The following MED13 variants were observed in gnomAD, a reference collection of about 807,000 sequenced individuals.
MED13 encodes the protein mediator complex subunit 13.
In MED13, 23 loss-of-function variants were observed where a neutral mutation model predicts 225.2. The ratio of observed to expected loss-of-function variants is 0.10; its 90% confidence interval spans 0.07 to 0.14. The LOEUF (loss-of-function observed/expected upper bound fraction) is 0.14, where lower values mean the gene tolerates loss of function less well. Among genes scored for constraint, MED13 ranks in the 10% least tolerant of loss-of-function variants. The pLI, the probability that MED13 is intolerant of heterozygous loss-of-function variation, is 1.00. For missense variants in MED13, 2,197 were observed against 2,594.5 expected (o/e 0.85, Z 3.33); for synonymous variants, 942 against 889.2 (o/e 1.06, Z -1.06).
At chr17:62,045,382 C>A (rs1359264765) in intron 3 of MED13, among the ~76,000 whole-genome samples, 1 of 152,030 alleles carries the variant, frequency 6.6e-6, no homozygotes, top group Admixed American at 6.6e-5. Context: ...CTTGGCCAGG[C>A]GTGGTTGGTG....
chr17:61,973,025 G>T (rs905181682), intron 16 of MED13, 137 bp from the exon 17 acceptor site: 5 of 574,908 alleles, frequency 8.7e-6, no homozygotes, highest in African/African-American at 5.7e-5. Context: ...CTTGTGCAGA[G>T]AATTGCATTA....
chr17:62,058,109 CCA>C (rs913679538), intron 2 of MED13, among the ~76,000 whole-genome samples: 3 of 152,174 alleles, frequency 2.0e-5, no homozygotes, highest in African/African-American at 4.8e-5. Context: ...GTCCTACCCA[CCA>C]CAGAGATTCT....
intron 16 of MED13, among the ~76,000 whole-genome samples, chr17:61,980,180 T>A (rs1354541101): frequency 6.6e-6 from 1 of 152,002 alleles, no homozygotes; most frequent in African/African-American, 2.4e-5. Context: ...AGAGCGAGAC[T>A]CTGTCTCAAA....
At chr17:62,027,926 C>A (rs1012975943) in intron 8 of MED13, among the ~76,000 whole-genome samples, 2 of 151,990 alleles carry the variant, frequency 1.3e-5, no homozygotes, top group Admixed American at 1.3e-4. Flanking sequence ...CAGATGCTGG[C>A]GAGGTTGAGA....
At chr17:61,981,002 G>A (rs1281791500) in intron 16 of MED13, among the ~76,000 whole-genome samples, 3 of 150,124 alleles carry the variant, frequency 2.0e-5, no homozygotes, top group African/African-American at 7.4e-5. Context: ...GGGATTAGAC[G>A]CATGAGCCAC....
At chr17:62,049,567 A>G (rs540212143) in intron 3 of MED13, among the ~76,000 whole-genome samples, 138 of 152,328 alleles carry the variant, frequency 9.1e-4, no homozygotes, top group African/African-American at 3.1e-3. Flanking sequence ...TTACTAACTC[A>G]TAACATTAAT....
At chr17:61,950,436 T>A (rs1201588174) in intron 28 of MED13, among the ~76,000 whole-genome samples, 1 of 150,494 alleles carries the variant, frequency 6.6e-6, no homozygotes, top group Non-Finnish European at 1.5e-5. Flanking sequence ...CAGGCTGGAG[T>A]GAAGTGGTAC....
At chr17:61,998,102 T>C (rs1043560097) in intron 9 of MED13, among the ~76,000 whole-genome samples, 2 of 152,194 alleles carry the variant, frequency 1.3e-5, no homozygotes, top group East Asian at 1.9e-4. Context: ...AAGCTGATAA[T>C]AGAATTAAAA....
At chr17:61,967,738 T>A (rs2080071414) in intron 18 of MED13, among the ~76,000 whole-genome samples, 1 of 152,206 alleles carries the variant, frequency 6.6e-6, no homozygotes, top group Non-Finnish European at 1.5e-5. Flanking sequence ...ACTTTTTTCC[T>A]GGCTATTTAA....
Position 61,945,402 on chromosome 17 carries a change from A to T in MED13, c.*1066T>A, listed in dbSNP as rs1322975327. ...AAATAAATTTCATAATAATATTTCCATGCCTAAATATGCCACTGTTAAAAC... is the reference window on the plus strand; with the variant it reads ...AAATAAATTTCATAATAATATTTCCTTGCCTAAATATGCCACTGTTAAAAC... On this transcript the variant is annotated 3_prime_UTR_variant, in exon 30 of 30. Transcript: ENST00000397786. The T allele has an allele frequency of 6.6e-6, 1 of 152,654 alleles. No individual in the cohort carries two copies. The highest frequency in any genetic ancestry group is 1.5e-5 in the Non-Finnish European group (1 of 68,038). 9.5% of individuals were successfully genotyped at this position (152,654 alleles called of 1,614,324 possible). A position where few individuals can be genotyped will look rare whatever the true frequency, so the allele number is the denominator to read the frequency against.
At position 62,011,242 on chromosome 17, in the gene MED13, T is replaced by C; in HGVS notation, c.1284-9A>G. 3.1e-6 allele frequency: 5 copies of C among 1,601,108 alleles called. No individual in the cohort carries two copies. The highest frequency in any genetic ancestry group is 4.3e-6 in the Non-Finnish European group (5 of 1,174,428). ...ACTTGAGATTTTTGTGCCTGAAAAG[T>C]GAAAATAAAGGTTTCATATTTACAG... On this transcript the variant is annotated splice_polypyrimidine_tract_variant and intron_variant, in intron 8 of 29. Transcript: ENST00000397786.
At position 62,043,094 on chromosome 17, in the gene MED13, T is replaced by G. The variant is rs867238066; in HGVS notation, c.471-7486A>C. 1.8e-4 allele frequency among the ~76,000 whole-genome samples: 24 copies of G among 135,218 alleles called. No individual in the cohort carries two copies. The South Asian group carries it at 3.6e-3, about 20-fold the overall frequency. The allele number at this position is 135,218 out of a possible 152,430, so 88.7% of individuals were successfully genotyped here. ...TTGTTTGCGCCCAGGAGGCAGAGGT[T>G]GGAGTGAGTCAAGATTACACCACTG... On this transcript the variant is annotated intron_variant, in intron 3 of 29. Transcript: ENST00000397786.
At chr17:61,976,436 C>T (rs1018140935) in intron 16 of MED13, among the ~76,000 whole-genome samples, 3 of 152,066 alleles carry the variant, frequency 2.0e-5, no homozygotes, top group Non-Finnish European at 2.9e-5. Context: ...TGACTGCTAA[C>T]GGGTAGGGGG....
chr17:61,950,750 A>T, intron 28 of MED13, 75 bp downstream of exon 28: 1 of 1,444,804 alleles, frequency 6.9e-7, no homozygotes, highest in Non-Finnish European at 9.4e-7. Flanking sequence ...AGACTTAAAA[A>T]AGCCACTTCT....
At chr17:62,013,441 A>G (rs909241333) in intron 8 of MED13, among the ~76,000 whole-genome samples, 3 of 151,996 alleles carry the variant, frequency 2.0e-5, no homozygotes, top group Non-Finnish European at 4.4e-5. Context: ...TATTATCTCA[A>G]TAACTATAGA....
chr17:62,017,806 T>A (rs573694085), intron 8 of MED13, among the ~76,000 whole-genome samples: 138 of 152,358 alleles, frequency 9.1e-4, no homozygotes, highest in African/African-American at 3.1e-3. Context: ...ACAATCTTTT[T>A]ACACTCTGTA....
At position 62,065,174 on chromosome 17, in the gene MED13, C is replaced by G; in HGVS notation, c.32G>C (p.Ser11Thr). 6.3e-7 allele frequency: 1 copy of G among 1,581,690 alleles called. No individual in the cohort carries two copies. Among genetic ancestry groups the G allele is most frequent in the South Asian group, 1.2e-5 (1 of 86,778 alleles). Residue 11 changes from serine (S) to threonine (T), a missense_variant, in exon 1 of 30, where the codon AGC becomes ACC. By Grantham distance (58) the Ser-to-Thr change is moderately conservative. Around this residue, in one of 12 missense-constraint regions of MED13, gnomAD observed 884 missense variants for 918.5 expected, o/e 0.96. Transcript: ENST00000397786. MSASFVPNGA[S>T]LEDCHCNLFC... ...GAGGTTACAGTGACAATCTTCCAGG[C>G]TGGCCCCGTTCGGCACGAAGGAGGC...
chr17:62,013,367 G>A (rs1338914806), intron 8 of MED13, among the ~76,000 whole-genome samples: 1 of 152,136 alleles, frequency 6.6e-6, no homozygotes, highest in Non-Finnish European at 1.5e-5. Context: ...TTCTGGGAAT[G>A]TATGGTGTAG....
At chr17:61,983,191 C>G in intron 15 of MED13, 77 bp from the exon 16 acceptor site, 1 of 1,180,494 alleles carries the variant, frequency 8.5e-7, no homozygotes, top group Non-Finnish European at 1.1e-6. Flanking sequence ...CAACTAAAAA[C>G]GTCCCAAATG....
Sources: gnomAD v4.1 joint callset for allele counts (sites outside exome capture counted in the v4.1 genomes callset) on GRCh38, gnomAD v4.1.1 for gene constraint, gnomAD v4.1.1 regional missense constraint, MANE v1.5 for transcripts, NCBI Gene and HGNC (gene_info 2026-07-23, HGNC 2026-07-21) for gene names.